Variants in LSAMP observed in about 807,000 individuals in gnomAD.
The protein encoded by LSAMP is limbic system-associated membrane protein.
LSAMP carries 7 observed loss-of-function variants against 38.6 expected under a neutral mutation model. The ratio of observed to expected loss-of-function variants is 0.18; its 90% confidence interval spans 0.10 to 0.34. LSAMP has a LOEUF of 0.34. Among genes scored for constraint, LSAMP ranks in the 10% least tolerant of loss-of-function variants. The pLI, the probability that LSAMP is intolerant of heterozygous loss-of-function variation, is 1.00. For missense variants in LSAMP, 313 were observed against 420.0 expected, an observed-to-expected ratio of 0.75 and a Z score of 2.23; for synonymous variants, 154 against 166.8, an observed-to-expected ratio of 0.92 and a Z score of 0.59.
chr3:116,088,538 T>C (rs558599485), intron 1 of LSAMP, among the ~76,000 whole-genome samples: 1 of 152,320 alleles, frequency 6.6e-6, no homozygotes, highest in African/African-American at 2.4e-5. Flanking sequence ...ATGTTTGGTG[T>C]CTTACTCTAG....
At chr3:116,230,994 T>A (rs767336341) in intron 1 of LSAMP, among the ~76,000 whole-genome samples, 2 of 152,234 alleles carry the variant, frequency 1.3e-5, no homozygotes, top group African/African-American at 4.8e-5. Flanking sequence ...TTCCTTTGTG[T>A]TAGACCCTGG....
At chr3:116,050,061 C>A (rs376499177) in intron 2 of LSAMP, among the ~76,000 whole-genome samples, 8 of 152,140 alleles carry the variant, frequency 5.3e-5, no homozygotes, top group East Asian at 1.9e-4. Flanking sequence ...CAATGACATC[C>A]TTGTCTCTGG....
chr3:116,090,210 TAAAA>T (rs11328666), intron 1 of LSAMP, among the ~76,000 whole-genome samples: 1 of 126,668 alleles, frequency 7.9e-6, no homozygotes. Flanking sequence ...AGACCTTGTC[TAAAA>T]AAAAAAAAAA....
At chr3:116,105,944 T>C (rs1014377423) in intron 1 of LSAMP, among the ~76,000 whole-genome samples, 2 of 151,158 alleles carry the variant, frequency 1.3e-5, no homozygotes, top group Non-Finnish European at 2.9e-5. Flanking sequence ...GAACCTAGAG[T>C]GGGAGAGATT....
intron 2 of LSAMP, 58 bp from the exon 3 acceptor site, chr3:116,019,698 C>T: frequency 6.4e-7 from 1 of 1,574,212 alleles, no homozygotes; most frequent in Non-Finnish European, 8.7e-7. Context: ...AGGCTTGTAG[C>T]CATACAACTG....
chr3:115,926,921 C>A (rs749561467), intron 3 of LSAMP, among the ~76,000 whole-genome samples: 1 of 152,136 alleles, frequency 6.6e-6, no homozygotes, highest in Non-Finnish European at 1.5e-5. Flanking sequence ...GGTCTCCTTG[C>A]CACTACAATA....
chr3:115,886,155 G>A (rs58974487), intron 3 of LSAMP, among the ~76,000 whole-genome samples: 38,708 of 151,670 alleles, frequency 0.26, 5,249 homozygotes, highest in African/African-American at 0.35. Context: ...ATCCATATCA[G>A]TGAGGAGGCA....
At chr3:116,351,023 T>A (rs1393842113) in intron 1 of LSAMP, among the ~76,000 whole-genome samples, 1 of 151,994 alleles carries the variant, frequency 6.6e-6, no homozygotes, top group Admixed American at 6.6e-5. Flanking sequence ...ACTATACCCA[T>A]TTTTGCCAGG....
rs1457895117 is a variant in LSAMP, at chr3:115,997,751, T to TATATATAC, written c.514+21763_514+21764insGTATATAT. Among the ~76,000 whole-genome samples, 40 of 131,288 alleles carry TATATATAC rather than the reference T, an allele frequency of 3.0e-4. No individual in the cohort carries two copies. In the East Asian group the frequency reaches 6.0e-3, roughly 20 times the overall value. The allele number at this position is 131,288 out of a possible 152,430, so 86.1% of individuals were successfully genotyped here. The stretch of plus-strand genomic sequence containing the variant: ...ATATATATATATATATATATATATA[T>TATATATAC]ATACACACACATACATACACACACA... On this transcript the variant is annotated intron_variant, in intron 3 of 6. Transcript: ENST00000490035.
intron 2 of LSAMP, among the ~76,000 whole-genome samples, chr3:116,040,597 T>C (rs976042692): frequency 2.6e-5 from 4 of 152,220 alleles, no homozygotes; most frequent in African/African-American, 9.6e-5. Flanking sequence ...ACAAAAGAAG[T>C]GAACATAATC....
intron 1 of LSAMP, among the ~76,000 whole-genome samples, chr3:116,282,186 G>A (rs1358519916): frequency 6.6e-6 from 1 of 152,150 alleles, no homozygotes; most frequent in African/African-American, 2.4e-5. Context: ...GATGTTACAA[G>A]GACAGAGGGA....
chr3:116,392,865 C>T (rs2048722743), intron 1 of LSAMP, among the ~76,000 whole-genome samples: 1 of 152,122 alleles, frequency 6.6e-6, no homozygotes, highest in Non-Finnish European at 1.5e-5. Context: ...CAGAGAGGAG[C>T]TGCCCATCCC....
intron 3 of LSAMP, among the ~76,000 whole-genome samples, chr3:116,006,723 A>G (rs1279747749): frequency 6.6e-6 from 1 of 152,232 alleles, no homozygotes; most frequent in African/African-American, 2.4e-5. Flanking sequence ...CATGACCATA[A>G]GCAATGGGCA....
chr3:116,419,096 T>C (rs1045043157), intron 1 of LSAMP, among the ~76,000 whole-genome samples: 4 of 152,228 alleles, frequency 2.6e-5, no homozygotes, highest in Non-Finnish European at 4.4e-5. Context: ...TGTCTCCTAT[T>C]CTGGGTAGGC....
intron 1 of LSAMP, among the ~76,000 whole-genome samples, chr3:116,237,702 G>A (rs1024092286): frequency 2.6e-5 from 4 of 152,120 alleles, no homozygotes; most frequent in South Asian, 2.1e-4. Context: ...GAAGTTTGGA[G>A]AGGATGATAA....
At chr3:116,103,551 T>G (rs574712395) in intron 1 of LSAMP, among the ~76,000 whole-genome samples, 49 of 144,852 alleles carry the variant, frequency 3.4e-4, no homozygotes, top group African/African-American at 1.2e-3. Flanking sequence ...CTTCCTCTCA[T>G]TCCATCTTTT....
intron 1 of LSAMP, among the ~76,000 whole-genome samples, chr3:116,117,922 A>G (rs894662395): frequency 6.6e-6 from 1 of 150,778 alleles, no homozygotes; most frequent in African/African-American, 2.5e-5. Context: ...ACTCAAGAAT[A>G]TTTATTTCGT....
intron 1 of LSAMP, among the ~76,000 whole-genome samples, chr3:116,115,338 A>G (rs992761967): frequency 2.6e-5 from 4 of 152,210 alleles, no homozygotes; most frequent in East Asian, 1.9e-4. Context: ...TAATGTAGGT[A>G]CCCTAATGAT....
chr3:116,048,640 A>C (rs1251801760), intron 2 of LSAMP, among the ~76,000 whole-genome samples: 1 of 152,248 alleles, frequency 6.6e-6, no homozygotes, highest in Non-Finnish European at 1.5e-5. Context: ...GGGAGGACAG[A>C]ATCAAATTGA....
Sources: gnomAD v4.1 joint callset for allele counts (sites outside exome capture counted in the v4.1 genomes callset) on GRCh38, gnomAD v4.1.1 for gene constraint, MANE v1.5 for transcripts, NCBI Gene and HGNC (gene_info 2026-07-23, HGNC 2026-07-21) for gene names.